The following DENND1B variants were observed in gnomAD, a reference collection of about 807,000 sequenced individuals.
The protein encoded by DENND1B is DENN domain containing 1B, also known as DENN domain-containing protein 1B.
A neutral mutation model predicts 90.1 loss-of-function variants in DENND1B; 59 were observed. The ratio of observed to expected loss-of-function variants is 0.65; its 90% confidence interval spans 0.53 to 0.81. The LOEUF (loss-of-function observed/expected upper bound fraction) is 0.81, where lower values mean the gene tolerates loss of function less well. Ranked by LOEUF, DENND1B falls within the 40% of genes least tolerant of loss-of-function variation. The pLI is 0.00. For missense variants in DENND1B, 862 were observed against 912.6 expected (o/e 0.94, Z 0.71); for synonymous variants, 337 against 324.6 (o/e 1.04, Z -0.41).
intron 6 of DENND1B, among the ~76,000 whole-genome samples, chr1:197,653,739 A>G (rs78512302): frequency 2.3e-4 from 35 of 151,482 alleles, no homozygotes; most frequent in East Asian, 9.7e-4. Flanking sequence ...TGGTTTCAGG[A>G]AAAAAAAAGA....
chr1:197,733,648 C>T lies in DENND1B; in HGVS notation c.83-18574G>A, dbSNP rs994118025. 2.0e-5 allele frequency among the ~76,000 whole-genome samples: 3 copies of T among 152,288 alleles called. No individual in the cohort carries two copies. The South Asian group carries it at 6.2e-4, about 32-fold the overall frequency. On this transcript the variant is annotated intron_variant, in intron 2 of 22. Transcript: ENST00000620048. Reference sequence around the variant, plus strand: ...CATGCACAATAATGATATTGTGAGGCCCCACGAAAGCCTGGCCTCTCAGTG... The same window carrying T: ...CATGCACAATAATGATATTGTGAGGTCCCACGAAAGCCTGGCCTCTCAGTG...
chr1:197,731,922 T>G (rs995613938), intron 2 of DENND1B, among the ~76,000 whole-genome samples: 1 of 152,156 alleles, frequency 6.6e-6, no homozygotes, highest in Non-Finnish European at 1.5e-5. Context: ...GTTGATAGGA[T>G]GAGTGGAGAT....
chr1:197,632,503 A>G (rs1036590349), intron 10 of DENND1B, among the ~76,000 whole-genome samples: 2 of 152,136 alleles, frequency 1.3e-5, no homozygotes, highest in Non-Finnish European at 2.9e-5. Flanking sequence ...CCCATGTTAG[A>G]ATTTTTATCA....
intron 16 of DENND1B, among the ~76,000 whole-genome samples, chr1:197,547,827 CAACA>C (rs928108891): frequency 1.4e-3 from 74 of 54,226 alleles, no homozygotes; most frequent in South Asian, 0.013. Flanking sequence ...TTTTAAACAA[CAACA>C]AAAAAAACCC....
chr1:197,740,205 G>A (rs1437489297), intron 2 of DENND1B, among the ~76,000 whole-genome samples: 2 of 152,164 alleles, frequency 1.3e-5, no homozygotes, highest in Non-Finnish European at 2.9e-5. Flanking sequence ...AAGTGTATTA[G>A]AAGTAAACAA....
chr1:197,661,419 T>C (rs1572231199), intron 5 of DENND1B, among the ~76,000 whole-genome samples: 2 of 152,082 alleles, frequency 1.3e-5, no homozygotes, highest in Non-Finnish European at 1.5e-5. Flanking sequence ...CAACTTTTAA[T>C]AGCCTGAAGA....
At chr1:197,651,463 A>G (rs1653159987) in intron 7 of DENND1B, among the ~76,000 whole-genome samples, 2 of 152,004 alleles carry the variant, frequency 1.3e-5, no homozygotes, top group Non-Finnish European at 2.9e-5. Flanking sequence ...TGATTATACT[A>G]GAAGACATAT....
chr1:197,764,048 C>G (rs911654631), intron 2 of DENND1B, among the ~76,000 whole-genome samples: 14 of 152,326 alleles, frequency 9.2e-5, no homozygotes, highest in Admixed American at 2.6e-4. Context: ...AGCCTAGAAT[C>G]AGTCAGGGGT....
intron 10 of DENND1B, among the ~76,000 whole-genome samples, chr1:197,627,628 A>C (rs1467433293): frequency 2.6e-5 from 4 of 152,074 alleles, no homozygotes; most frequent in Admixed American, 2.6e-4. Flanking sequence ...CAAGACAGGG[A>C]TGCCCTCTCT....
chr1:197,630,452 A>G (rs1679228484), intron 10 of DENND1B, among the ~76,000 whole-genome samples: 1 of 152,114 alleles, frequency 6.6e-6, no homozygotes, highest in Non-Finnish European at 1.5e-5. Flanking sequence ...ATGAGGGCTC[A>G]TGATTTCATT....
rs147597830 is a variant in DENND1B at position 197,751,572 on chromosome 1, G to A, written c.82+21296C>T. Among the ~76,000 whole-genome samples, 67 of 152,240 alleles carry A rather than the reference G, an allele frequency of 4.4e-4. No homozygotes were observed. In the East Asian group the frequency reaches 0.011, roughly 24 times the overall value. On this transcript the variant is annotated intron_variant, in intron 2 of 22. Coordinates refer to ENST00000620048, the MANE Select transcript of DENND1B (RefSeq NM_001195215.2). The stretch of plus-strand genomic sequence containing the variant: ...AAAATAATAAATGTCAGCCAGGCGC[G>A]GTGGCTCACACCTGTAAGCCCAGCA...
At chr1:197,667,223 T>C (rs1558378347) in intron 5 of DENND1B, among the ~76,000 whole-genome samples, 1 of 151,726 alleles carries the variant, frequency 6.6e-6, no homozygotes, top group Admixed American at 6.6e-5. Context: ...AAAAAAGAAA[T>C]TAATTTTAGG....
At chr1:197,720,092 G>T (rs1316145086) in intron 2 of DENND1B, among the ~76,000 whole-genome samples, 2 of 152,108 alleles carry the variant, frequency 1.3e-5, no homozygotes, top group Non-Finnish European at 2.9e-5. Context: ...TCTTAAAAGA[G>T]TCTCATCTAT....
chr1:197,630,523 A>C (rs997916054), intron 10 of DENND1B, among the ~76,000 whole-genome samples: 1 of 152,070 alleles, frequency 6.6e-6, no homozygotes, highest in South Asian at 2.1e-4. Context: ...CAAAAATACA[A>C]ATTTTAGGGG....
intron 10 of DENND1B, among the ~76,000 whole-genome samples, chr1:197,635,537 T>G (rs765075156): frequency 6.6e-6 from 1 of 151,540 alleles, no homozygotes; most frequent in African/African-American, 2.4e-5. Flanking sequence ...AGGGTCTCAC[T>G]ACATTGCGCA....
At position 197,508,449 on chromosome 1, in the gene DENND1B, A is replaced by C. The variant is rs1667829213; in HGVS notation, c.*2011T>G. On this transcript the variant is annotated 3_prime_UTR_variant, in exon 23 of 23. Coordinates refer to ENST00000620048, the MANE Select transcript of DENND1B (RefSeq NM_001195215.2). ...CTGTATTAAAAAATAAGGATTAAAC[A>C]TTGTTTTCCTTAATGTATACAGTCC... 1 of 151,712 alleles carries C rather than the reference A, an allele frequency of 6.6e-6. No homozygotes were observed. The highest frequency in any genetic ancestry group is 2.1e-4 in the South Asian group (1 of 4,826). 9.4% of individuals were successfully genotyped at this position (151,712 alleles called of 1,614,324 possible).
chr1:197,647,043 C>G lies in DENND1B; in HGVS notation c.507+12G>C. The G allele has an allele frequency of 6.8e-7, 1 of 1,464,346 alleles. No individual in the cohort carries two copies. 90.7% of individuals were successfully genotyped at this position (1,464,346 alleles called of 1,614,324 possible). A position where few individuals can be genotyped will look rare whatever the true frequency, so the allele number is the denominator to read the frequency against. ...ATAGTGATTTTTAGAAGCCAATGTC[C>G]TTTTAACTCACCGGTACTAGAGCAG... On this transcript the variant is annotated intron_variant, in intron 8 of 22. Coordinates refer to ENST00000620048, the MANE Select transcript of DENND1B (RefSeq NM_001195215.2).
intron 18 of DENND1B, among the ~76,000 whole-genome samples, chr1:197,543,937 C>T (rs569198208): frequency 1.1e-3 from 163 of 151,722 alleles, no homozygotes; most frequent in Non-Finnish European, 1.9e-3. Flanking sequence ...ACTCACTTAC[C>T]GAGAAAAGCT....
At chr1:197,675,895 T>G (rs952674960) in intron 3 of DENND1B, among the ~76,000 whole-genome samples, 2 of 151,980 alleles carry the variant, frequency 1.3e-5, no homozygotes, top group African/African-American at 4.8e-5. Flanking sequence ...AGTTAGTTGC[T>G]CAATCTTTCA....
Sources: gnomAD v4.1 joint callset for allele counts (sites outside exome capture counted in the v4.1 genomes callset) on GRCh38, gnomAD v4.1.1 for gene constraint, MANE v1.5 for transcripts, NCBI Gene and HGNC (gene_info 2026-07-23, HGNC 2026-07-21) for gene names.